EVI2A: variants seen among roughly 807,000 people sequenced by gnomAD.
EVI2A encodes ecotropic viral integration site 2A.
In EVI2A, 11 loss-of-function variants were observed where a neutral mutation model predicts 13.0. That is an observed-to-expected ratio of 0.85 (90% CI 0.53 to 1.40). The LOEUF (loss-of-function observed/expected upper bound fraction) is 1.40, where lower values mean the gene tolerates loss of function less well. Among genes scored for constraint, EVI2A ranks in the 40% most tolerant of loss-of-function variants. EVI2A has a pLI of 0.00. For synonymous variants in EVI2A, 89 were observed against 98.0 expected, an observed-to-expected ratio of 0.91 and a Z score of 0.54; for missense variants, 267 against 279.5, an observed-to-expected ratio of 0.96 and a Z score of 0.32.
Position 31,317,610 on chromosome 17 carries a change from T to C in EVI2A, c.*693A>G, listed in dbSNP as rs2069058202. 1 of 152,224 alleles carries C rather than the reference T, an allele frequency of 6.6e-6. No individual in the cohort carries two copies. The highest frequency in any genetic ancestry group is 1.5e-5 in the Non-Finnish European group (1 of 68,030). 9.4% of individuals were successfully genotyped at this position (152,224 alleles called of 1,614,324 possible). A position where few individuals can be genotyped will look rare whatever the true frequency, so the allele number is the denominator to read the frequency against. The stretch of plus-strand genomic sequence containing the variant: ...TATTTTAGTTGTGCTCTATTTCTTA[T>C]TGATCTTTACAATGTGTTCTCTAAA... On this transcript the variant is annotated 3_prime_UTR_variant, in exon 2 of 2. Transcript: ENST00000462804.
intron 1 of EVI2A, among the ~76,000 whole-genome samples, chr17:31,321,253 C>T (rs988489982): frequency 6.6e-6 from 1 of 152,086 alleles, no homozygotes; most frequent in African/African-American, 2.4e-5. Flanking sequence ...TTCCAGTTTA[C>T]TTGAGGAAAC....
At chr17:31,320,941 T>A (rs1282478767) in intron 1 of EVI2A, 2 of 152,668 alleles carry the variant, frequency 1.3e-5, no homozygotes, top group African/African-American at 4.8e-5. Flanking sequence ...TTGGTACACA[T>A]TTTAACAGTG....
Position 31,317,385 on chromosome 17 carries a change from A to ACT in EVI2A, c.*917_*918insAG, listed in dbSNP as rs1567891797. On this transcript the variant is annotated 3_prime_UTR_variant, in exon 2 of 2. Transcript: ENST00000462804. ...CAGATTTGAACACACACACACACACACACACACACACACACACACCCCTAA... is the reference window on the plus strand; with the variant it reads ...CAGATTTGAACACACACACACACACACTCACACACACACACACACACCCCTAA... Among the ~76,000 whole-genome samples the ACT allele has an allele frequency of 1.4e-4, 21 of 151,632 alleles. No homozygotes were observed. The South Asian group carries it at 4.2e-3, about 30-fold the overall frequency.
rs3138611 is a variant in EVI2A, at chr17:31,317,368, A to AACACACACACAC, written c.*923_*934dup. Reference sequence around the variant, plus strand: ...TGAAGTATGCAGTTTTCCAGATTTGAACACACACACACACACACACACACA... The same window carrying AACACACACACAC: ...TGAAGTATGCAGTTTTCCAGATTTGAACACACACACACACACACACACACACACACACACACA... On this transcript the variant is annotated 3_prime_UTR_variant, in exon 2 of 2. Coordinates refer to ENST00000462804, the MANE Select transcript of EVI2A (RefSeq NM_014210.4). Among the ~76,000 whole-genome samples, 178 of 144,642 alleles carry AACACACACACAC rather than the reference A, an allele frequency of 1.2e-3. 1 individual carries two copies. Among genetic ancestry groups the AACACACACACAC allele is most frequent in the East Asian group, 4.9e-3 (24 of 4,912 alleles). 94.9% of individuals were successfully genotyped at this position (144,642 alleles called of 152,430 possible).
Position 31,318,715 on chromosome 17 carries a change from A to G in EVI2A, c.299T>C (p.Val100Ala), listed in dbSNP as rs1212399084. The change falls in exon 2 of 2, where the codon GTC (valine) becomes GCC (alanine). Residue 100 changes from valine (V) to alanine (A), a missense_variant. Val to Ala is a moderately conservative substitution (Grantham distance 64). Coordinates refer to ENST00000462804, the MANE Select transcript of EVI2A (RefSeq NM_014210.4). ...SEQELYIPSV[V>A]SNSPSTVQSI... ...CTGTACTGTTGAAGGACTGTTGCTG[A>G]CGACAGAAGGTATATAAAGCTCCTG... The G allele has an allele frequency of 1.2e-6, 2 of 1,614,136 alleles. No homozygotes were observed. Among genetic ancestry groups the G allele is most frequent in the Admixed American group, 1.7e-5 (1 of 60,004 alleles).
rs770454886 is a variant in EVI2A, at chr17:31,317,259, T to A, written c.*1044A>T. Among the ~76,000 whole-genome samples, 1 of 152,096 alleles carries A rather than the reference T, an allele frequency of 6.6e-6. No individual in the cohort carries two copies. The highest frequency in any genetic ancestry group is 1.5e-5 in the Non-Finnish European group (1 of 68,016). ...CTCAAACCAATTTTTGTAATATATTTAATTGAAGATGGGGGGGTTCTCAAC... is the reference window on the plus strand; with the variant it reads ...CTCAAACCAATTTTTGTAATATATTAAATTGAAGATGGGGGGGTTCTCAAC... On this transcript the variant is annotated 3_prime_UTR_variant, in exon 2 of 2. Coordinates refer to ENST00000462804, the MANE Select transcript of EVI2A (RefSeq NM_014210.4).
rs1262896416 is a variant in EVI2A at position 31,317,383 on chromosome 17, A to ACACG, written c.*919_*920insCGTG. Among the ~76,000 whole-genome samples the ACACG allele has an allele frequency of 6.6e-6, 1 of 151,450 alleles. No homozygotes were observed. Among genetic ancestry groups the ACACG allele is most frequent in the Non-Finnish European group, 1.5e-5 (1 of 67,806 alleles). On this transcript the variant is annotated 3_prime_UTR_variant, in exon 2 of 2. Transcript: ENST00000462804. ...TCCAGATTTGAACACACACACACACACACACACACACACACACACACCCCT... is the reference window on the plus strand; with the variant it reads ...TCCAGATTTGAACACACACACACACACACGCACACACACACACACACACACCCCT...
At chr17:31,320,340 ATTT>A in intron 1 of EVI2A, 2 of 1,425,012 alleles carry the variant, frequency 1.4e-6, no homozygotes, top group Non-Finnish European at 1.9e-6. Context: ...GAGTCCTTTT[ATTT>A]AAAAAAAAAA....
chr17:31,319,286 G>A (rs1447375078), intron 1 of EVI2A, among the ~76,000 whole-genome samples: 1 of 150,916 alleles, frequency 6.6e-6, no homozygotes, highest in Non-Finnish European at 1.5e-5. Context: ...GGACTATCAT[G>A]GCTTTATATA....
At position 31,318,785 on chromosome 17, in the gene EVI2A, T is replaced by C. The variant is rs760473963; in HGVS notation, c.229A>G (p.Met77Val). The C allele has an allele frequency of 4.3e-6, 7 of 1,614,014 alleles. No homozygotes were observed. The East Asian group carries it at 1.6e-4, about 36-fold the overall frequency. The change falls in exon 2 of 2, where the codon ATG (methionine) becomes GTG (valine). Residue 77 changes from methionine (M) to valine (V), a missense_variant. Met to Val is a conservative substitution (Grantham distance 21, BLOSUM62 1). Coordinates refer to ENST00000462804, the MANE Select transcript of EVI2A (RefSeq NM_014210.4). The part of the protein sequence containing the change: ...EVDYKGNSTN[M>V]PETSHIVALT... ...GCTACGATGTGAGATGTTTCAGGCA[T>C]GTTTGTAGAATTACCTTTATAATCT...
intron 1 of EVI2A, chr17:31,320,422 T>C (rs1387014882): frequency 1.2e-6 from 2 of 1,611,212 alleles, no homozygotes; most frequent in Middle Eastern, 1.7e-4. Flanking sequence ...AACCAACTCC[T>C]AAGCAACATG....
chr17:31,318,592 A>G lies in EVI2A; in HGVS notation c.422T>C (p.Ile141Thr). 5 of 1,614,104 alleles carry G rather than the reference A, an allele frequency of 3.1e-6. No individual in the cohort carries two copies. Among genetic ancestry groups the G allele is most frequent in the Non-Finnish European group, 4.2e-6 (5 of 1,179,996 alleles). The change falls in exon 2 of 2, where the codon ATA (isoleucine) becomes ACA (threonine). Residue 141 changes from isoleucine to threonine, a missense_variant. Coordinates refer to ENST00000462804, the MANE Select transcript of EVI2A (RefSeq NM_014210.4). ...ACAGATAAGAAAAAGCACTGCAATT[A>G]TAATTAAGCAAATTAGCATAGCCAT... ...NNMAMLICLI[I>T]IAVLFLICTF...
chr17:31,321,511 T>A lies in EVI2A; in HGVS notation c.-27A>T, dbSNP rs1356114143. On this transcript the variant is annotated 5_prime_UTR_variant, in exon 1 of 2. Transcript: ENST00000462804. ...ATGACCTACCTTACAAAATGCTTGG[T>A]CAAAATCTGATTATAACGTGATTTT... 6.6e-6 allele frequency: 1 copy of A among 152,168 alleles called. No individual in the cohort carries two copies. Among genetic ancestry groups the A allele is most frequent in the Non-Finnish European group, 1.5e-5 (1 of 68,028 alleles). 9.4% of individuals were successfully genotyped at this position (152,168 alleles called of 1,614,324 possible).
At chr17:31,319,985 G>A (rs2854305) in intron 1 of EVI2A, among the ~76,000 whole-genome samples, 76,066 of 151,832 alleles carry the variant, frequency 0.5, 20,824 homozygotes, top group Non-Finnish European at 0.62. Flanking sequence ...TTGAATTTCC[G>A]CTTTGGCCCT....
At position 31,316,837 on chromosome 17, in the gene EVI2A, T is replaced by G. The variant is rs2151524065; in HGVS notation, c.*1466A>C. ...TGTTTTTTACAAATTGCTAATAAAT[T>G]GATAATAAAAATGATGCTTTATTTT... On this transcript the variant is annotated 3_prime_UTR_variant, in exon 2 of 2. Transcript: ENST00000462804. Among the ~76,000 whole-genome samples the G allele has an allele frequency of 6.6e-6, 1 of 152,352 alleles. No individual in the cohort carries two copies. Among genetic ancestry groups the G allele is most frequent in the African/African-American group, 2.4e-5 (1 of 41,580 alleles).
chr17:31,317,403 A>ACCCC lies in EVI2A; in HGVS notation c.*896_*899dup, dbSNP rs1555626469. Among the ~76,000 whole-genome samples, 3 of 147,180 alleles carry ACCCC rather than the reference A, an allele frequency of 2.0e-5. No homozygotes were observed. The highest frequency in any genetic ancestry group is 5.2e-5 in the African/African-American group (2 of 38,530). ...CACACACACACACACACACACACAC[A>ACCCC]CCCCTAATAAATCATTAGGCTACTT... On this transcript the variant is annotated 3_prime_UTR_variant, in exon 2 of 2. Coordinates refer to ENST00000462804, the MANE Select transcript of EVI2A (RefSeq NM_014210.4).
intron 1 of EVI2A, 103 bp from the exon 2 acceptor site, chr17:31,319,126 A>C: frequency 8.2e-7 from 1 of 1,220,230 alleles, no homozygotes; most frequent in East Asian, 2.3e-5. Flanking sequence ...CAAGTAAACT[A>C]CAAGCTTATG....
chr17:31,319,777 A>G (rs746169586), intron 1 of EVI2A, among the ~76,000 whole-genome samples: 27 of 151,162 alleles, frequency 1.8e-4, no homozygotes, highest in Middle Eastern at 3.4e-3. Flanking sequence ...AAAACAGCAA[A>G]TTTCCTCTGA....
chr17:31,319,163 TCTC>T, intron 1 of EVI2A, 140 bp from the exon 2 acceptor site: 1 of 867,806 alleles, frequency 1.2e-6, no homozygotes, highest in Non-Finnish European at 1.8e-6. Context: ...CTGAATTCCT[TCTC>T]AACTAAATTT....
Sources: allele counts gnomAD v4.1 joint callset (sites outside exome capture counted in the v4.1 genomes callset), GRCh38; gene constraint gnomAD v4.1.1; transcripts MANE v1.5; gene names NCBI Gene and HGNC (gene_info 2026-07-23, HGNC 2026-07-21).